FCHO2: variants seen among roughly 807,000 people sequenced by gnomAD.
The protein encoded by FCHO2 is F-BAR domain only protein 2.
A neutral mutation model predicts 114.1 loss-of-function variants in FCHO2; 43 were observed. The ratio of observed to expected loss-of-function variants is 0.38; its 90% CI spans 0.30 to 0.49. FCHO2 has a LOEUF of 0.49. Ranked by LOEUF, FCHO2 falls within the 20% of genes least tolerant of loss-of-function variation. The pLI is 0.97. For synonymous variants in FCHO2, 293 were observed against 315.2 expected (o/e 0.93, Z 0.75); for missense variants, 807 against 950.4 (o/e 0.85, Z 1.98).
chr5:73,034,804 A>T, intron 9 of FCHO2, 103 bp downstream of exon 9: 1 of 865,890 alleles, frequency 1.2e-6, no homozygotes, highest in Non-Finnish European at 1.7e-6. Context: ...GTGTCAGCAT[A>T]CCTATGGAAT....
At chr5:73,045,706 C>G (rs749967512) in intron 11 of FCHO2, among the ~76,000 whole-genome samples, 4 of 152,060 alleles carry the variant, frequency 2.6e-5, no homozygotes, top group Admixed American at 6.6e-5. Flanking sequence ...TGTTTCCATC[C>G]TTTTTCTTTC....
At chr5:73,051,990 C>T (rs1003250066) in intron 12 of FCHO2, among the ~76,000 whole-genome samples, 4 of 152,144 alleles carry the variant, frequency 2.6e-5, no homozygotes, top group African/African-American at 9.7e-5. Flanking sequence ...GTGGTGCGAT[C>T]TCGGCTCACT....
At chr5:73,058,581 T>C in intron 17 of FCHO2, 57 bp downstream of exon 17, 1 of 767,050 alleles carries the variant, frequency 1.3e-6, no homozygotes, top group Non-Finnish European at 1.9e-6. Context: ...TTAGTTGCTT[T>C]TTCTCATTCA....
At chr5:73,073,975 G>A (rs1474804874) in intron 19 of FCHO2, among the ~76,000 whole-genome samples, 1 of 152,008 alleles carries the variant, frequency 6.6e-6, no homozygotes, top group Non-Finnish European at 1.5e-5. Flanking sequence ...AGTAAGGCAC[G>A]CAGTGGTAAG....
chr5:73,084,740 A>G (rs2112897311), intron 24 of FCHO2, among the ~76,000 whole-genome samples: 2 of 152,364 alleles, frequency 1.3e-5, no homozygotes, highest in South Asian at 2.1e-4. Context: ...TACACCTGCC[A>G]TGCAGAATAA....
At chr5:73,018,523 CTT>C (rs70973220) in intron 8 of FCHO2, among the ~76,000 whole-genome samples, 53 of 131,934 alleles carry the variant, frequency 4.0e-4, no homozygotes, top group Admixed American at 6.1e-4. Context: ...TAACTTTCTT[CTT>C]TTTTTTTTTT....
rs145662242 is a variant in FCHO2 at position 72,983,335 on chromosome 5, G to C, written c.126-6092G>C. 2.7e-3 allele frequency among the ~76,000 whole-genome samples: 405 copies of C among 151,836 alleles called. 2 individuals are homozygous for C. The highest frequency in any genetic ancestry group is 4.2e-3 in the Non-Finnish European group (288 of 67,898). On this transcript the variant is annotated intron_variant, in intron 2 of 25. Transcript: ENST00000430046. ...ACCTGTCATCTACATATCTACATTA[G>C]GTATTTCTCCTAATGCTATCCCTCC... is the stretch of plus-strand genomic sequence containing the variant.
intron 15 of FCHO2, 52 bp downstream of exon 15, chr5:73,054,601 C>T (rs1489511093): frequency 5.2e-6 from 7 of 1,340,866 alleles, no homozygotes; most frequent in Non-Finnish European, 6.2e-6. Context: ...ATTTATAAGG[C>T]AATTTGTTAG....
chr5:72,982,357 C>T (rs1753258461), intron 2 of FCHO2, among the ~76,000 whole-genome samples: 1 of 152,184 alleles, frequency 6.6e-6, no homozygotes, highest in Admixed American at 6.5e-5. Context: ...TCCTATTCAG[C>T]CATCTTGCCA....
chr5:73,008,301 C>G (rs1754823223), intron 6 of FCHO2, among the ~76,000 whole-genome samples: 1 of 151,960 alleles, frequency 6.6e-6, no homozygotes, highest in Admixed American at 6.6e-5. Flanking sequence ...AATCAAGAGT[C>G]CAGTTTGGAA....
intron 1 of FCHO2, among the ~76,000 whole-genome samples, chr5:72,960,002 A>G (rs1223944984): frequency 6.6e-6 from 1 of 151,820 alleles, no homozygotes; most frequent in Non-Finnish European, 1.5e-5. Context: ...CTGGTCTCGA[A>G]CTCCTGGGCT....
At position 72,957,295 on chromosome 5, in the gene FCHO2, A is replaced by G. The variant is rs568898119; in HGVS notation, c.33+1166A>G. On this transcript the variant is annotated intron_variant, in intron 1 of 25. Transcript: ENST00000430046. ...TTCAGAGGTTTTTTCATATGTTCATAGAGTTGTGTAAACATCACCATATCA... is the reference window on the plus strand; with the variant it reads ...TTCAGAGGTTTTTTCATATGTTCATGGAGTTGTGTAAACATCACCATATCA... Among the ~76,000 whole-genome samples the G allele has an allele frequency of 2.0e-5, 3 of 152,324 alleles. No individual in the cohort carries two copies. The East Asian group carries it at 5.8e-4, about 29-fold the overall frequency.
chr5:72,983,449 C>T (rs975646936), intron 2 of FCHO2, among the ~76,000 whole-genome samples: 1 of 151,774 alleles, frequency 6.6e-6, no homozygotes, highest in Non-Finnish European at 1.5e-5. Flanking sequence ...GTGCAGCCTC[C>T]ACGTCTTGGG....
chr5:73,011,953 A>G (rs1334707350), intron 6 of FCHO2, among the ~76,000 whole-genome samples: 1 of 151,964 alleles, frequency 6.6e-6, no homozygotes, highest in African/African-American at 2.4e-5. Flanking sequence ...AAAGCCTTCT[A>G]GAATACCTCC....
intron 8 of FCHO2, among the ~76,000 whole-genome samples, chr5:73,023,374 A>T (rs1350392918): frequency 6.6e-6 from 1 of 152,234 alleles, no homozygotes; most frequent in African/African-American, 2.4e-5. Flanking sequence ...TCTAATAATC[A>T]TGGAGTTTTA....
At chr5:73,083,443 G>A (rs1743189638) in intron 24 of FCHO2, among the ~76,000 whole-genome samples, 1 of 152,134 alleles carries the variant, frequency 6.6e-6, no homozygotes, top group Non-Finnish European at 1.5e-5. Flanking sequence ...CTAACATTAA[G>A]AAACTATACC....
At chr5:72,967,102 A>G (rs1580004551) in intron 1 of FCHO2, among the ~76,000 whole-genome samples, 2 of 152,314 alleles carry the variant, frequency 1.3e-5, no homozygotes, top group Admixed American at 1.3e-4. Flanking sequence ...CCTGGCCAAC[A>G]TGGCAAAACC....
At chr5:73,009,545 G>A (rs976946501) in intron 6 of FCHO2, among the ~76,000 whole-genome samples, 2 of 151,510 alleles carry the variant, frequency 1.3e-5, no homozygotes, top group African/African-American at 2.4e-5. Context: ...TTTGTTTTTT[G>A]TTGTTTTTTG....
intron 18 of FCHO2, among the ~76,000 whole-genome samples, chr5:73,065,370 A>G (rs1440734832): frequency 1.3e-5 from 2 of 152,038 alleles, no homozygotes; most frequent in Non-Finnish European, 2.9e-5. Flanking sequence ...AAGGAAAATT[A>G]TAAATTTCCT....
Sources: allele counts gnomAD v4.1 joint callset (sites outside exome capture counted in the v4.1 genomes callset), GRCh38; gene constraint gnomAD v4.1.1; transcripts MANE v1.5; gene names NCBI Gene and HGNC (gene_info 2026-07-23, HGNC 2026-07-21).